STXBP3: variants seen among roughly 807,000 people sequenced by gnomAD.
The protein encoded by STXBP3 is syntaxin-binding protein 3.
STXBP3 carries 41 observed loss-of-function variants against 85.7 expected under a neutral mutation model. The observed-to-expected ratio is 0.48, with a 90% CI of 0.37 to 0.62. The LOEUF (loss-of-function observed/expected upper bound fraction) is 0.62. STXBP3 is among the 20% of genes least tolerant of loss of function. STXBP3 has a pLI of 0.00. For synonymous variants in STXBP3, 229 were observed against 231.7 expected (o/e 0.99, Z 0.10); for missense variants, 563 against 703.1 (o/e 0.80, Z 2.25).
chr1:108,782,678 C>A lies in STXBP3; in HGVS notation c.935C>A (p.Ser312Ter). 1 of 1,608,690 alleles carries A rather than the reference C, an allele frequency of 6.2e-7. No individual in the cohort carries two copies. The highest frequency in any genetic ancestry group is 1.1e-5 in the South Asian group (1 of 89,516). The change falls in exon 11 of 19, where the codon TCA becomes TAA. Residue 312 changes from serine (S) to a stop codon, truncating the protein, a stop_gained. Transcript: ENST00000370008. LOFTEE classifies it high-confidence loss of function. ...EEIPKLMKEI[S>*]STKKATEGKT... ...ATTCCCAAGCTTATGAAAGAAATTT[C>A]ATCAACAAAGAAAGCAACAGAAGGA...
intron 8 of STXBP3, among the ~76,000 whole-genome samples, 194 bp downstream of exon 8, chr1:108,776,617 A>G (rs1360887054): frequency 6.6e-6 from 1 of 152,190 alleles, no homozygotes. Flanking sequence ...AGGGGGATCT[A>G]TTAACTAACA....
At chr1:108,764,973 T>C (rs1418079062) in intron 6 of STXBP3, among the ~76,000 whole-genome samples, 1 of 152,240 alleles carries the variant, frequency 6.6e-6, no homozygotes, top group Non-Finnish European at 1.5e-5. Context: ...TCCAGAATGG[T>C]ACTGCCTAGG....
chr1:108,764,463 G>A (rs1161408512), intron 6 of STXBP3, among the ~76,000 whole-genome samples: 1 of 152,158 alleles, frequency 6.6e-6, no homozygotes, highest in East Asian at 1.9e-4. Context: ...GGTCTTTGAG[G>A]AATCACCACA....
intron 18 of STXBP3, 31 bp downstream of exon 18, chr1:108,807,580 T>C: frequency 6.5e-7 from 1 of 1,529,372 alleles, no homozygotes; most frequent in Non-Finnish European, 8.8e-7. Flanking sequence ...TTTTCTGTTT[T>C]TTTTTTTTTT....
chr1:108,753,903 T>C (rs1167782420), intron 3 of STXBP3, among the ~76,000 whole-genome samples: 1 of 152,170 alleles, frequency 6.6e-6, no homozygotes, highest in Non-Finnish European at 1.5e-5. Context: ...TTCATTTATA[T>C]TTTGGATCCT....
At chr1:108,753,405 A>C (rs1222177819) in intron 3 of STXBP3, among the ~76,000 whole-genome samples, 12 of 58,378 alleles carry the variant, frequency 2.1e-4, no homozygotes, top group Admixed American at 1.7e-3. Flanking sequence ...TCATATATAC[A>C]TATATATATA....
intron 16 of STXBP3, among the ~76,000 whole-genome samples, chr1:108,799,344 T>G (rs1301965990): frequency 6.6e-6 from 1 of 152,192 alleles, no homozygotes; most frequent in Non-Finnish European, 1.5e-5. Flanking sequence ...TAGTTTTTTG[T>G]TTTTTTGTTT....
intron 11 of STXBP3, among the ~76,000 whole-genome samples, chr1:108,784,560 CAG>C (rs1662786443): frequency 6.6e-6 from 1 of 152,184 alleles, no homozygotes; most frequent in Non-Finnish European, 1.5e-5. Flanking sequence ...GGTAGGGAAA[CAG>C]AGCCAAACCG....
At chr1:108,776,301 G>A (rs1244373048) in intron 7 of STXBP3, 32 bp from the exon 8 acceptor site, 2 of 1,476,964 alleles carry the variant, frequency 1.4e-6, no homozygotes, top group Non-Finnish European at 1.9e-6. Context: ...CTGAAAGAAA[G>A]ATAATTGTTT....
chr1:108,767,656 T>G (rs1662296190), intron 6 of STXBP3: 1 of 153,134 alleles, frequency 6.5e-6, no homozygotes, highest in Non-Finnish European at 1.5e-5. Flanking sequence ...CCAATTTTGT[T>G]TTTTTCTTTG....
At chr1:108,784,432 T>A (rs893893557) in intron 11 of STXBP3, among the ~76,000 whole-genome samples, 1 of 152,142 alleles carries the variant, frequency 6.6e-6, no homozygotes, top group Non-Finnish European at 1.5e-5. Flanking sequence ...ACCATCAGAT[T>A]TTGTGTGAAC....
At chr1:108,791,097 A>AT (rs1205935930) in intron 11 of STXBP3, among the ~76,000 whole-genome samples, 4 of 151,780 alleles carry the variant, frequency 2.6e-5, no homozygotes, top group Non-Finnish European at 4.4e-5. Flanking sequence ...TCGTTTTGCA[A>AT]TTTTTTCTAA....
intron 11 of STXBP3, among the ~76,000 whole-genome samples, chr1:108,791,431 C>A (rs1323662755): frequency 1.3e-5 from 2 of 152,050 alleles, no homozygotes; most frequent in African/African-American, 4.8e-5. Flanking sequence ...CTCCTCACAT[C>A]TTCCTTTTGT....
At chr1:108,793,348 A>G (rs1311282093) in intron 11 of STXBP3, among the ~76,000 whole-genome samples, 1 of 151,748 alleles carries the variant, frequency 6.6e-6, no homozygotes, top group African/African-American at 2.4e-5. Context: ...CTTGAAAGCT[A>G]TTGTTTTATT....
chr1:108,789,532 CT>C (rs35328871), intron 11 of STXBP3, among the ~76,000 whole-genome samples: 108,249 of 151,988 alleles, frequency 0.71, 39,522 homozygotes, highest in Non-Finnish European at 0.77. Flanking sequence ...TTATTTACAT[CT>C]TCAAACTTAG....
Position 108,796,328 on chromosome 1 carries a change from G to A in STXBP3, c.1205G>A (p.Cys402Tyr), listed in dbSNP as rs1663097135. 2 of 1,597,852 alleles carry A rather than the reference G, an allele frequency of 1.3e-6. No homozygotes were observed. Among genetic ancestry groups the A allele is most frequent in the South Asian group, 1.1e-5 (1 of 90,604 alleles). Reference protein sequence around the residue: ...PVLLNKNHDNCDKIRAILLYI... With the variant: ...PVLLNKNHDNYDKIRAILLYI... ...CTACTCAACAAAAATCATGATAATT[G>A]TGATAAAATAAGAGCAATTCTACTT... Residue 402 changes from cysteine (C) to tyrosine (Y), a missense_variant, in exon 14 of 19, where the codon TGT (cysteine) becomes TAT (tyrosine). Cys to Tyr is a radical substitution (Grantham distance 194). This residue lies in a region of STXBP3 where 494 missense variants were observed against 592.8 expected (regional missense o/e 0.83). Transcript: ENST00000370008.
At chr1:108,805,049 G>A (rs566899081) in intron 17 of STXBP3, among the ~76,000 whole-genome samples, 23 of 152,270 alleles carry the variant, frequency 1.5e-4, no homozygotes, top group Non-Finnish European at 2.9e-4. Flanking sequence ...TTAGAGGGAA[G>A]TTTTCAGGAT....
intron 17 of STXBP3, among the ~76,000 whole-genome samples, chr1:108,802,912 T>TA (rs1197401701): frequency 1.3e-5 from 2 of 152,222 alleles, no homozygotes; most frequent in Admixed American, 1.3e-4. Flanking sequence ...CCCAGACTGA[T>TA]ACATGCATAA....
chr1:108,807,359 T>C (rs973732259), intron 17 of STXBP3, 42 bp from the exon 18 acceptor site: 3 of 1,576,186 alleles, frequency 1.9e-6, no homozygotes, highest in South Asian at 1.2e-5. Flanking sequence ...TTTGGAAATG[T>C]TTATAACATG....
Sources: gnomAD v4.1 joint callset for allele counts (sites outside exome capture counted in the v4.1 genomes callset) on GRCh38, gnomAD v4.1.1 for gene constraint, gnomAD v4.1.1 regional missense constraint, MANE v1.5 for transcripts, NCBI Gene and HGNC (gene_info 2026-07-23, HGNC 2026-07-21) for gene names.